Variants in TMEM272 observed in about 807,000 individuals in gnomAD.
TMEM272 encodes the protein long intergenic non-protein coding RNA 282.
Under a neutral mutation model 3.7 loss-of-function variants are expected in TMEM272, and 8 were observed. The ratio of observed to expected loss-of-function variants is 2.17; its 90% CI spans 1.27 to 3.91. The LOEUF (loss-of-function observed/expected upper bound fraction) is 3.91. Among genes scored for constraint, TMEM272 ranks in the 30% most tolerant of loss-of-function variants. TMEM272 has a pLI of 0.00. For missense variants in TMEM272, 166 were observed against 91.5 expected, an observed-to-expected ratio of 1.81 and a Z score of -3.32; for synonymous variants, 63 against 39.8, an observed-to-expected ratio of 1.58 and a Z score of -2.20.
intron 3 of TMEM272, among the ~76,000 whole-genome samples, chr13:51,825,888 C>T (rs903430455): frequency 2.0e-5 from 3 of 152,122 alleles, no homozygotes; most frequent in African/African-American, 7.2e-5. Flanking sequence ...GGATTACAGG[C>T]GTGAGCCACC....
chr13:51,869,724 G>C, the TMEM272 span, among the ~76,000 whole-genome samples: 5 of 152,000 alleles, frequency 3.3e-5, no homozygotes, highest in African/African-American at 1.2e-4. Flanking sequence ...TCCTGACCTC[G>C]TGATCCGCCC....
chr13:51,875,419 T>C, the TMEM272 span, among the ~76,000 whole-genome samples: 5 of 152,168 alleles, frequency 3.3e-5, no homozygotes, highest in Admixed American at 6.5e-5. Flanking sequence ...CCAATGGACA[T>C]ACCTGCTTCT....
At chr13:51,899,131 G>A in the TMEM272 span, among the ~76,000 whole-genome samples, 1 of 152,086 alleles carries the variant, frequency 6.6e-6, no homozygotes, top group Non-Finnish European at 1.5e-5. Flanking sequence ...CACAAAACAC[G>A]CTTTCAGAAC....
intron 2 of TMEM272, among the ~76,000 whole-genome samples, chr13:51,830,546 C>T (rs1368393883): frequency 4.6e-5 from 7 of 152,208 alleles, no homozygotes; most frequent in African/African-American, 1.7e-4. Flanking sequence ...TCATAATCTG[C>T]ATAATCTGTG....
the TMEM272 span, among the ~76,000 whole-genome samples, chr13:51,926,083 G>T: frequency 6.6e-6 from 1 of 151,788 alleles, no homozygotes; most frequent in East Asian, 1.9e-4. Context: ...GTGTCTATGA[G>T]TGTGTGGTAT....
the TMEM272 span, among the ~76,000 whole-genome samples, chr13:51,923,188 C>G: frequency 6.6e-6 from 1 of 152,240 alleles, no homozygotes; most frequent in African/African-American, 2.4e-5. Context: ...CCTAGGCACT[C>G]TGCACTGCAG....
At chr13:51,896,521 C>CT in the TMEM272 span, among the ~76,000 whole-genome samples, 1 of 152,200 alleles carries the variant, frequency 6.6e-6, no homozygotes, top group South Asian at 2.1e-4. Context: ...TCTGCAGTCA[C>CT]TGCCCTCTGG....
chr13:51,816,223 T>C lies in TMEM272; in HGVS notation c.*528A>G, dbSNP rs1305322024. The C allele has an allele frequency of 1.9e-5, 3 of 155,206 alleles. No homozygotes were observed. Among genetic ancestry groups the C allele is most frequent in the East Asian group, 1.9e-4 (1 of 5,264 alleles). The allele number at this position is 155,206 out of a possible 1,614,324, so 9.6% of individuals were successfully genotyped here. A position where few individuals can be genotyped will look rare whatever the true frequency, so the allele number is the denominator to read the frequency against. ...GCTGGAAGAGACTGCTCCTTCACTT[T>C]CCCAAAAGGCAGCTAGAGTCACTAA... On this transcript the variant is annotated 3_prime_UTR_variant, in exon 5 of 5. Transcript: ENST00000629372.
chr13:51,911,719 C>T, the TMEM272 span, among the ~76,000 whole-genome samples: 9 of 152,202 alleles, frequency 5.9e-5, no homozygotes, highest in Non-Finnish European at 1.2e-4. Context: ...CGTGGGCCCA[C>T]GCTGACCTGA....
the TMEM272 span, among the ~76,000 whole-genome samples, chr13:51,852,709 C>G: frequency 2.6e-5 from 4 of 152,066 alleles, no homozygotes; most frequent in African/African-American, 9.7e-5. Context: ...GTAACCCCGT[C>G]TCTACTAAAA....
At chr13:51,841,890 C>T (rs542366827) in intron 1 of TMEM272, among the ~76,000 whole-genome samples, 90 of 152,262 alleles carry the variant, frequency 5.9e-4, no homozygotes, top group Non-Finnish European at 1.1e-3. Context: ...AAGAATGTTC[C>T]CTAAGAGACA....
chr13:51,883,441 G>T, the TMEM272 span, among the ~76,000 whole-genome samples: 1 of 152,212 alleles, frequency 6.6e-6, no homozygotes, highest in Non-Finnish European at 1.5e-5. Flanking sequence ...CCCAAGAAGG[G>T]GCCTGAAGTG....
the TMEM272 span, among the ~76,000 whole-genome samples, chr13:51,873,727 G>A: frequency 2.0e-5 from 3 of 152,140 alleles, no homozygotes; most frequent in Non-Finnish European, 4.4e-5. Flanking sequence ...TATCAGCCTA[G>A]ATATGGCTGA....
chr13:51,903,623 T>C, the TMEM272 span, among the ~76,000 whole-genome samples: 1 of 152,142 alleles, frequency 6.6e-6, no homozygotes, highest in East Asian at 1.9e-4. Context: ...GAGCATCTAA[T>C]GGAGTCAGAT....
the TMEM272 span, among the ~76,000 whole-genome samples, chr13:51,854,225 T>A: frequency 6.6e-6 from 1 of 152,184 alleles, no homozygotes; most frequent in African/African-American, 2.4e-5. Context: ...TGCTATTTCC[T>A]CCAGAGGCTA....
At chr13:51,893,308 T>C in the TMEM272 span, among the ~76,000 whole-genome samples, 2,982 of 152,338 alleles carry the variant, frequency 0.02, 46 homozygotes, top group Non-Finnish European at 0.032. Flanking sequence ...TTGCCAGTAT[T>C]AAATGCATCA....
chr13:51,841,125 A>G (rs891027841), intron 1 of TMEM272, among the ~76,000 whole-genome samples: 5 of 152,094 alleles, frequency 3.3e-5, no homozygotes, highest in African/African-American at 1.2e-4. Context: ...GGATCCAGTG[A>G]TAAGCCCAGT....
At chr13:51,817,978 C>G (rs1034911176) in intron 4 of TMEM272, among the ~76,000 whole-genome samples, 1 of 152,194 alleles carries the variant, frequency 6.6e-6, no homozygotes, top group Non-Finnish European at 1.5e-5. Context: ...TGGAAGGACA[C>G]AGGTGGTCTT....
the TMEM272 span, among the ~76,000 whole-genome samples, chr13:51,863,693 AC>A: frequency 1.5e-5 from 2 of 131,386 alleles, no homozygotes; most frequent in African/African-American, 2.7e-5. Flanking sequence ...ACACACACAC[AC>A]ACACACACAC....
Sources: allele counts gnomAD v4.1 joint callset (sites outside exome capture counted in the v4.1 genomes callset), GRCh38; gene constraint gnomAD v4.1.1; transcripts MANE v1.5; gene names NCBI Gene and HGNC (gene_info 2026-07-23, HGNC 2026-07-21).